Variants in UMAD1 observed in about 807,000 individuals in gnomAD.
UMAD1 encodes the protein UBAP1-MVB12-associated (UMA) domain containing 1, also known as UBAP1-MVB12-associated (UMA)-domain containing protein 1.
UMAD1 carries 8 observed loss-of-function variants against 6.1 expected under a neutral mutation model. The ratio of observed to expected loss-of-function variants is 1.30; its 90% CI spans 0.76 to 2.35. The LOEUF is 2.35. UMAD1 is among the 30% of genes most tolerant of loss of function. UMAD1 has a pLI of 0.00. For synonymous variants in UMAD1, 56 were observed against 31.4 expected, an observed-to-expected ratio of 1.78 and a Z score of -2.61; for missense variants, 130 against 78.4, an observed-to-expected ratio of 1.66 and a Z score of -2.49.
intron 1 of UMAD1, among the ~76,000 whole-genome samples, chr7:7,654,787 C>G (rs1306495769): frequency 6.6e-6 from 1 of 151,630 alleles, no homozygotes; most frequent in Admixed American, 6.6e-5. Flanking sequence ...GCCTGTAATC[C>G]CAGCTACTCT....
chr7:7,706,250 C>A (rs1433002617), intron 2 of UMAD1, among the ~76,000 whole-genome samples: 1 of 152,018 alleles, frequency 6.6e-6, no homozygotes, highest in African/African-American at 2.4e-5. Context: ...TGAAAAAAAT[C>A]ATCAAAAAGA....
intron 3 of UMAD1, among the ~76,000 whole-genome samples, chr7:7,856,224 A>T (rs543232447): frequency 1.6e-4 from 24 of 152,344 alleles, no homozygotes; most frequent in African/African-American, 5.8e-4. Flanking sequence ...AATTTATTGT[A>T]TTAGTTTGTT....
rs538022034 is a variant in UMAD1, at chr7:7,851,373, G to A, written c.157-25908G>A. On this transcript the variant is annotated intron_variant, in intron 3 of 3. Transcript: ENST00000682710. ...AAATAATACTATTCTGAACATTTAT[G>A]TACAAGTATTTGTTTGAATGCCTGT... Among the ~76,000 whole-genome samples the A allele has an allele frequency of 7.9e-5, 12 of 152,218 alleles. No homozygotes were observed. In the South Asian group the frequency reaches 2.5e-3, roughly 32 times the overall value.
chr7:7,854,603 C>A (rs1367826450), intron 3 of UMAD1, among the ~76,000 whole-genome samples: 1 of 152,060 alleles, frequency 6.6e-6, no homozygotes, highest in Admixed American at 6.6e-5. Context: ...CCCACTGTGT[C>A]CTTCCCACAA....
chr7:7,648,280 G>C (rs1241822575), intron 1 of UMAD1, among the ~76,000 whole-genome samples: 1 of 151,704 alleles, frequency 6.6e-6, no homozygotes, highest in Non-Finnish European at 1.5e-5. Flanking sequence ...CTGTTTCTCT[G>C]CTTAAGTTTT....
chr7:7,644,644 C>T (rs1785055618), intron 1 of UMAD1, among the ~76,000 whole-genome samples: 1 of 152,110 alleles, frequency 6.6e-6, no homozygotes, highest in South Asian at 2.1e-4. Context: ...TTTTTGCCAC[C>T]TTCACTTGTC....
intron 3 of UMAD1, among the ~76,000 whole-genome samples, chr7:7,859,466 T>C (rs1039494795): frequency 2.0e-5 from 3 of 152,210 alleles, no homozygotes; most frequent in African/African-American, 7.2e-5. Flanking sequence ...TTCTTTCTAT[T>C]GTTACCATTT....
intron 2 of UMAD1, among the ~76,000 whole-genome samples, chr7:7,724,971 T>C (rs1387470955): frequency 6.6e-6 from 1 of 152,350 alleles, no homozygotes; most frequent in South Asian, 2.1e-4. Context: ...GACATTATGC[T>C]GATTGGATCC....
intron 1 of UMAD1, among the ~76,000 whole-genome samples, chr7:7,642,166 T>A (rs1784988713): frequency 6.6e-6 from 1 of 152,128 alleles, no homozygotes; most frequent in African/African-American, 2.4e-5. Flanking sequence ...GCAAGATCTC[T>A]CTCTGTCACC....
chr7:7,697,542 T>C (rs989441884), intron 2 of UMAD1, among the ~76,000 whole-genome samples: 1 of 152,176 alleles, frequency 6.6e-6, no homozygotes, highest in Non-Finnish European at 1.5e-5. Flanking sequence ...TGCTCAAAAT[T>C]TTCCAAGTAT....
chr7:7,685,454 T>C (rs1186019042), intron 2 of UMAD1, among the ~76,000 whole-genome samples: 1 of 151,720 alleles, frequency 6.6e-6, no homozygotes, highest in East Asian at 1.9e-4. Context: ...GGACTACAGG[T>C]GTGCGCCACC....
chr7:7,646,080 G>A (rs1384070129), intron 1 of UMAD1, among the ~76,000 whole-genome samples: 1 of 152,182 alleles, frequency 6.6e-6, no homozygotes, highest in Non-Finnish European at 1.5e-5. Context: ...GTGTCTAGGG[G>A]CGTTACAGTG....
chr7:7,695,038 T>C (rs1463099881), intron 2 of UMAD1, among the ~76,000 whole-genome samples: 1 of 152,204 alleles, frequency 6.6e-6, no homozygotes, highest in Non-Finnish European at 1.5e-5. Flanking sequence ...GCCATATCCT[T>C]GCCAGTGTTT....
At chr7:7,667,087 G>T (rs995371022) in intron 1 of UMAD1, among the ~76,000 whole-genome samples, 1 of 152,208 alleles carries the variant, frequency 6.6e-6, no homozygotes, top group Non-Finnish European at 1.5e-5. Flanking sequence ...GGGATTACAG[G>T]CGTCAGCCAC....
chr7:7,675,173 GT>G (rs1391278867), intron 2 of UMAD1, among the ~76,000 whole-genome samples: 3 of 152,114 alleles, frequency 2.0e-5, no homozygotes, highest in Non-Finnish European at 2.9e-5. Flanking sequence ...CCTCTTTTCT[GT>G]TGTCTTTATG....
chr7:7,864,602 T>C (rs1416200792), intron 3 of UMAD1, among the ~76,000 whole-genome samples: 1 of 140,160 alleles, frequency 7.1e-6, no homozygotes, highest in African/African-American at 2.7e-5. Flanking sequence ...ACATGAAAAC[T>C]ACACACACAC....
chr7:7,836,930 G>A (rs1479298269), intron 3 of UMAD1, among the ~76,000 whole-genome samples: 1 of 149,356 alleles, frequency 6.7e-6, no homozygotes, highest in Non-Finnish European at 1.5e-5. Context: ...ATGAAAATTA[G>A]GAGCTAGGAA....
chr7:7,695,199 G>C (rs28912707), intron 2 of UMAD1, among the ~76,000 whole-genome samples: 4 of 152,056 alleles, frequency 2.6e-5, no homozygotes, highest in Non-Finnish European at 4.4e-5. Context: ...TGAGAAGCTC[G>C]CTGTTTCCAA....
intron 3 of UMAD1, among the ~76,000 whole-genome samples, chr7:7,870,021 G>A (rs1784306267): frequency 6.6e-6 from 1 of 152,136 alleles, no homozygotes; most frequent in Non-Finnish European, 1.5e-5. Context: ...TGCAAGAAAG[G>A]GAGGAACAGT....
Sources: gnomAD v4.1 joint callset for allele counts (sites outside exome capture counted in the v4.1 genomes callset) on GRCh38, gnomAD v4.1.1 for gene constraint, MANE v1.5 for transcripts, NCBI Gene and HGNC (gene_info 2026-07-23, HGNC 2026-07-21) for gene names.